Variants in UNC5A observed in about 807,000 individuals in gnomAD.
The protein encoded by UNC5A is unc-5 netrin receptor A, also known as netrin receptor UNC5A.
In UNC5A, 20 loss-of-function variants were observed where a neutral mutation model predicts 87.4. That is an observed-to-expected ratio of 0.23 (90% CI 0.16 to 0.33). The LOEUF (loss-of-function observed/expected upper bound fraction) is 0.33. Ranked by LOEUF, UNC5A falls within the 10% of genes least tolerant of loss-of-function variation. The pLI is 1.00. For missense variants in UNC5A, 844 were observed against 1,133.4 expected, an observed-to-expected ratio of 0.74 and a Z score of 3.67; for synonymous variants, 438 against 482.3, an observed-to-expected ratio of 0.91 and a Z score of 1.20.
chr5:176,824,556 T>TA lies in UNC5A; in HGVS notation c.70+13746dup, dbSNP rs200636371. 9.7e-3 allele frequency among the ~76,000 whole-genome samples: 1,412 copies of TA among 145,842 alleles called. 24 individuals are homozygous for TA. Among genetic ancestry groups the TA allele is most frequent in the African/African-American group, 0.033 (1,310 of 39,594 alleles). ...CCCCCACGCGGCAGATAGAACATTCTAAAAAAAAAAGAGAGAAAGAGAGAG... is the reference window on the plus strand; with the variant it reads ...CCCCCACGCGGCAGATAGAACATTCTAAAAAAAAAAAGAGAGAAAGAGAGAG... On this transcript the variant is annotated intron_variant, in intron 1 of 14. Coordinates refer to ENST00000329542, the MANE Select transcript of UNC5A (RefSeq NM_133369.3). This position sits in a 1 kb window ranked among gnomAD's most constrained non-coding sequence, Gnocchi z 4.2.
At chr5:176,842,758 C>T (rs1282414799) in intron 1 of UNC5A, among the ~76,000 whole-genome samples, 7 of 152,194 alleles carry the variant, frequency 4.6e-5, no homozygotes, top group Admixed American at 6.5e-5. Flanking sequence ...ATAGTGTATA[C>T]TGCTCGGGTG....
intron 1 of UNC5A, among the ~76,000 whole-genome samples, chr5:176,845,139 C>T (rs1757373563): frequency 6.6e-6 from 1 of 152,176 alleles, no homozygotes; most frequent in South Asian, 2.1e-4. Flanking sequence ...ATGCCCTGCC[C>T]CGGGGATGTT....
At chr5:176,876,027 G>A (rs1050929624) in intron 8 of UNC5A, among the ~76,000 whole-genome samples, 4 of 152,234 alleles carry the variant, frequency 2.6e-5, no homozygotes, top group Non-Finnish European at 2.9e-5. Context: ...CCCAGGCCGG[G>A]GGGTGGCTGC....
chr5:176,874,982 T>C lies in UNC5A; in HGVS notation c.1378+416T>C, dbSNP rs1200813149. Among the ~76,000 whole-genome samples, 1 of 152,070 alleles carries C rather than the reference T, an allele frequency of 6.6e-6. No individual in the cohort carries two copies. The highest frequency in any genetic ancestry group is 1.5e-5 in the Non-Finnish European group (1 of 68,000). On this transcript the variant is annotated intron_variant, in intron 8 of 14. Coordinates refer to ENST00000329542, the MANE Select transcript of UNC5A (RefSeq NM_133369.3). This position sits in a 1 kb window ranked among gnomAD's most constrained non-coding sequence, Gnocchi z 7.6. ...TCCACCCACCCCAGCACCGAAACCC[T>C]CTGAAGAACTCTTTCCATGGCTGCC... is the stretch of plus-strand genomic sequence containing the variant.
chr5:176,868,395 A>G, intron 3 of UNC5A, 122 bp downstream of exon 3: 2 of 1,496,666 alleles, frequency 1.3e-6, no homozygotes, highest in South Asian at 2.3e-5. Flanking sequence ...TGCCTGGATG[A>G]GTGGATAAAG....
At chr5:176,857,899 C>T (rs1757705650) in intron 1 of UNC5A, among the ~76,000 whole-genome samples, 1 of 152,142 alleles carries the variant, frequency 6.6e-6, no homozygotes, top group South Asian at 2.1e-4. Flanking sequence ...TGTGACATGG[C>T]AGAAGGAGCC....
intron 1 of UNC5A, among the ~76,000 whole-genome samples, chr5:176,821,611 T>A (rs1400352690): frequency 6.6e-6 from 1 of 152,192 alleles, no homozygotes; most frequent in African/African-American, 2.4e-5. Flanking sequence ...ATTTGCCAAT[T>A]TCCATGGTGT....
In UNC5A at chr5:176,820,891, C is replaced by A. The variant is rs1057062661; in HGVS notation, c.70+10071C>A. On this transcript the variant is annotated intron_variant, in intron 1 of 14. Transcript: ENST00000329542. ...TCTTGACCTGGTTCTTTTCCAGCTG[C>A]AGAGCCTGCTCTTTAAGCTTCTGTT... Among the ~76,000 whole-genome samples the A allele has an allele frequency of 2.0e-5, 3 of 152,354 alleles. No homozygotes were observed. In the South Asian group the frequency reaches 6.2e-4, roughly 32 times the overall value.
intron 1 of UNC5A, among the ~76,000 whole-genome samples, chr5:176,840,911 A>G (rs1416299459): frequency 6.6e-6 from 1 of 152,172 alleles, no homozygotes; most frequent in Non-Finnish European, 1.5e-5. Context: ...CAGCACAGAG[A>G]GCTGCTGGCA....
chr5:176,843,685 G>A (rs948233474), intron 1 of UNC5A, among the ~76,000 whole-genome samples: 6 of 152,236 alleles, frequency 3.9e-5, no homozygotes, highest in Admixed American at 1.3e-4. Context: ...TATTATCCAC[G>A]GAAGATTCTC....
intron 1 of UNC5A, among the ~76,000 whole-genome samples, chr5:176,825,013 C>A (rs1756819412): frequency 6.6e-6 from 1 of 152,226 alleles, no homozygotes; most frequent in African/African-American, 2.4e-5. Flanking sequence ...CTCCTTCCCT[C>A]CCTCCCAGCT....
In UNC5A at chr5:176,877,205, C is replaced by T. The variant is rs1211940199; in HGVS notation, c.1392C>T (p.Leu464=). The T allele has an allele frequency of 1.9e-6, 3 of 1,612,330 alleles. No homozygotes were observed. The highest frequency in any genetic ancestry group is 2.5e-6 in the Non-Finnish European group (3 of 1,179,338). The stretch of plus-strand genomic sequence containing the variant: ...CTGCCGTTCCAGGAATCAGCCTCCT[C>T]ATCCCCCCAGATGCCATACCCCGAG... ...LMIPNTGISL[L]IPPDAIPRGK... is the part of the protein sequence containing the mutation. The change falls in exon 9 of 15, where the codon CTC becomes CTT. Residue 464 remains leucine, a synonymous_variant. Transcript: ENST00000329542.
intron 8 of UNC5A, among the ~76,000 whole-genome samples, chr5:176,876,179 G>A (rs138532113): frequency 8.5e-5 from 13 of 152,354 alleles, no homozygotes; most frequent in Non-Finnish European, 1.3e-4. Flanking sequence ...ATGTAAGTGC[G>A]TGTACCTTCC....
Position 176,880,095 on chromosome 5 carries a change from C to A in UNC5A, c.*209C>A. ...GCCTAGCCAGGCTGGCACTGCCACT[C>A]ACACTCGGCCCCAGGGCCCAGGAGG... On this transcript the variant is annotated 3_prime_UTR_variant, in exon 15 of 15. Transcript: ENST00000329542. 1 of 641,424 alleles carries A rather than the reference C, an allele frequency of 1.6e-6. No individual in the cohort carries two copies. The highest frequency in any genetic ancestry group is 2.6e-6 in the Non-Finnish European group (1 of 385,466). The allele number at this position is 641,424 out of a possible 1,614,324, so 39.7% of individuals were successfully genotyped here.
intron 3 of UNC5A, 54 bp downstream of exon 3, chr5:176,868,327 G>A (rs1166397173): frequency 8.1e-6 from 13 of 1,605,954 alleles, no homozygotes; most frequent in Non-Finnish European, 1.1e-5. Context: ...GGTGTCACCA[G>A]GAGAGGGGAC....
At position 176,868,867 on chromosome 5, in the gene UNC5A, G is replaced by A; in HGVS notation, c.624G>A (p.Val208=). The A allele has an allele frequency of 3.1e-6, 5 of 1,612,948 alleles. No homozygotes were observed. The highest frequency in any genetic ancestry group is 4.2e-6 in the Non-Finnish European group (5 of 1,179,890). Residue 208 remains valine (V), a synonymous_variant, in exon 5 of 15, where the codon GTG becomes GTA. Coordinates refer to ENST00000329542, the MANE Select transcript of UNC5A (RefSeq NM_133369.3). The part of the protein sequence containing the change: ...VYITREHSLV[V]RQARLADTAN... ...TCACGCGGGAGCACAGCCTGGTGGT[G>A]CGACAGGCCCGCCTTGCTGACACGG...
At chr5:176,846,581 C>T (rs1757408407) in intron 1 of UNC5A, among the ~76,000 whole-genome samples, 1 of 152,254 alleles carries the variant, frequency 6.6e-6, no homozygotes, top group East Asian at 1.9e-4. Flanking sequence ...GTTATGTGCT[C>T]ATGCCACCAG....
chr5:176,828,681 T>G (rs1199820408), intron 1 of UNC5A, among the ~76,000 whole-genome samples: 2 of 152,200 alleles, frequency 1.3e-5, no homozygotes, highest in East Asian at 3.8e-4. Flanking sequence ...TTGACTTACT[T>G]ACTTGTTTAT....
Position 176,848,338 on chromosome 5 carries a change from C to T in UNC5A, c.71-14286C>T, listed in dbSNP as rs1757463459. Among the ~76,000 whole-genome samples, 1 of 152,140 alleles carries T rather than the reference C, an allele frequency of 6.6e-6. No homozygotes were observed. The highest frequency in any genetic ancestry group is 1.5e-5 in the Non-Finnish European group (1 of 68,022). On this transcript the variant is annotated intron_variant, in intron 1 of 14. Coordinates refer to ENST00000329542, the MANE Select transcript of UNC5A (RefSeq NM_133369.3). This position sits in a 1 kb window ranked among gnomAD's most constrained non-coding sequence, Gnocchi z 5.8. ...CCTGGGACTCAGGGCCCAGACAGGG[C>T]AGCGGCTCATCTGAGGCTGCATAGT...
Sources: gnomAD v4.1 joint callset for allele counts (sites outside exome capture counted in the v4.1 genomes callset) on GRCh38, gnomAD v4.1.1 for gene constraint, Gnocchi (gnomAD v3.1) non-coding constraint, MANE v1.5 for transcripts, NCBI Gene and HGNC (gene_info 2026-07-23, HGNC 2026-07-21) for gene names.